ANO3: variants seen among roughly 807,000 people sequenced by gnomAD.
ANO3 encodes the protein anoctamin-3.
ANO3 carries 99 observed loss-of-function variants against 144.8 expected under a neutral mutation model. That is an observed-to-expected ratio of 0.68 (90% CI 0.58 to 0.81). The LOEUF is 0.81. Among genes scored for constraint, ANO3 ranks in the 30% least tolerant of loss-of-function variants. The probability of loss-of-function intolerance (pLI) is 0.00; values close to 1 mark genes in which losing one functional copy is unlikely to be tolerated. For missense variants in ANO3, 905 were observed against 1,202.2 expected (o/e 0.75, Z 3.66); for synonymous variants, 414 against 392.6 (o/e 1.05, Z -0.64).
At chr11:26,272,475 G>A (rs369214410) in intron 1 of ANO3, among the ~76,000 whole-genome samples, 40 of 152,106 alleles carry the variant, frequency 2.6e-4, no homozygotes, top group African/African-American at 9.4e-4. Flanking sequence ...CTGCAGATAC[G>A]GTATAAGAAA....
chr11:26,219,251 A>G (rs1351738986), intron 1 of ANO3, among the ~76,000 whole-genome samples: 4 of 152,206 alleles, frequency 2.6e-5, no homozygotes, highest in African/African-American at 4.8e-5. Flanking sequence ...ATTCTTTTCC[A>G]AGAGATGTTT....
chr11:26,332,467 T>C (rs1436057260), intron 1 of ANO3, 146 bp downstream of exon 1: 3 of 716,072 alleles, frequency 4.2e-6, no homozygotes, highest in Non-Finnish European at 4.6e-6. Flanking sequence ...AAAATTAAAT[T>C]CCTCTTCACT....
chr11:26,243,595 T>C (rs549515099), intron 1 of ANO3, among the ~76,000 whole-genome samples: 1 of 152,322 alleles, frequency 6.6e-6, no homozygotes, highest in South Asian at 2.1e-4. Context: ...AAGTTCCCCA[T>C]TATGATTTTA....
At chr11:26,596,934 G>A (rs1201744874) in intron 14 of ANO3, among the ~76,000 whole-genome samples, 1 of 152,204 alleles carries the variant, frequency 6.6e-6, no homozygotes, top group Non-Finnish European at 1.5e-5. Flanking sequence ...GTTCCAGGCA[G>A]AACAAAGCTC....
chr11:26,546,724 T>G (rs1373323410), intron 11 of ANO3, among the ~76,000 whole-genome samples: 1 of 151,984 alleles, frequency 6.6e-6, no homozygotes, highest in Non-Finnish European at 1.5e-5. Context: ...TAGAGGGGAA[T>G]TAAACGCATT....
chr11:26,328,491 A>G (rs1196051391), upstream of ANO3, among the ~76,000 whole-genome samples: 3 of 152,228 alleles, frequency 2.0e-5, no homozygotes, highest in Admixed American at 6.5e-5. Context: ...GGACTCTCTC[A>G]GTCCCTTTGA....
At chr11:26,513,504 G>A (rs1214872522) in intron 5 of ANO3, among the ~76,000 whole-genome samples, 5 of 152,148 alleles carry the variant, frequency 3.3e-5, no homozygotes, top group Admixed American at 6.6e-5. Flanking sequence ...GGAGACCCAA[G>A]TTTTCCTGCT....
chr11:26,615,076 G>A (rs1434847426), intron 17 of ANO3, among the ~76,000 whole-genome samples: 4 of 150,330 alleles, frequency 2.7e-5, no homozygotes, highest in African/African-American at 4.9e-5. Flanking sequence ...CTGTATATAG[G>A]TCTTGATTTA....
chr11:26,522,224 AC>A (rs1862111917), intron 6 of ANO3, among the ~76,000 whole-genome samples: 2 of 151,732 alleles, frequency 1.3e-5, no homozygotes, highest in Non-Finnish European at 2.9e-5. Context: ...CAAAAAAAAA[AC>A]ATTAAGAGCA....
chr11:26,420,691 G>T (rs1857726290), intron 1 of ANO3, among the ~76,000 whole-genome samples: 1 of 151,848 alleles, frequency 6.6e-6, no homozygotes, highest in Admixed American at 6.6e-5. Flanking sequence ...GTTCCTTCAG[G>T]CCTCAGAATG....
chr11:26,545,616 A>G (rs2134213571), intron 11 of ANO3, among the ~76,000 whole-genome samples: 1 of 152,080 alleles, frequency 6.6e-6, no homozygotes, highest in South Asian at 2.1e-4. Flanking sequence ...AAACAATTCT[A>G]AAAGCATAGA....
At chr11:26,451,278 A>G (rs919767460) in intron 3 of ANO3, among the ~76,000 whole-genome samples, 7 of 152,200 alleles carry the variant, frequency 4.6e-5, no homozygotes, top group Non-Finnish European at 7.3e-5. Flanking sequence ...GAAGCAGGGC[A>G]AGGCATTGCC....
In ANO3 at chr11:26,572,864, A is replaced by G. The variant is rs113808064; in HGVS notation, c.1447+13085A>G. On this transcript the variant is annotated intron_variant, in intron 14 of 26. Transcript: ENST00000256737. ...CCATGTGATCCTCACTTATCCTAGG[A>G]GCCTTCTCGATTAAGTAGTTTCCAC... 9.0e-3 allele frequency among the ~76,000 whole-genome samples: 1,376 copies of G among 152,154 alleles called. 10 individuals are homozygous for G. Among genetic ancestry groups the G allele is most frequent in the African/African-American group, 0.031 (1,302 of 41,510 alleles).
At chr11:26,497,058 C>T (rs1377982499) in intron 4 of ANO3, among the ~76,000 whole-genome samples, 4 of 149,558 alleles carry the variant, frequency 2.7e-5, no homozygotes, top group African/African-American at 9.8e-5. Context: ...TACATTTTCT[C>T]TCTCTATATA....
intron 1 of ANO3, among the ~76,000 whole-genome samples, chr11:26,273,731 A>G (rs1853498978): frequency 6.6e-6 from 1 of 152,028 alleles, no homozygotes; most frequent in African/African-American, 2.4e-5. Flanking sequence ...GAAATTCAAA[A>G]ACAAATAGAC....
chr11:26,499,721 CTA>C (rs1861113469), intron 4 of ANO3, among the ~76,000 whole-genome samples: 1 of 151,792 alleles, frequency 6.6e-6, no homozygotes, highest in South Asian at 2.1e-4. Flanking sequence ...CTGTAAATTC[CTA>C]TGTTAGCTTC....
At chr11:26,650,257 A>C (rs1853487047) in intron 24 of ANO3, among the ~76,000 whole-genome samples, 1 of 152,104 alleles carries the variant, frequency 6.6e-6, no homozygotes, top group South Asian at 2.1e-4. Context: ...GTGGGAGGGG[A>C]GGATATTGGC....
intron 1 of ANO3, among the ~76,000 whole-genome samples, chr11:26,376,306 A>G (rs1413875885): frequency 1.3e-5 from 2 of 152,134 alleles, no homozygotes; most frequent in Non-Finnish European, 1.5e-5. Context: ...CCAATTTTGA[A>G]ACCCATTAAT....
intron 1 of ANO3, among the ~76,000 whole-genome samples, chr11:26,399,704 T>G (rs1857099972): frequency 6.6e-6 from 1 of 152,024 alleles, no homozygotes; most frequent in South Asian, 2.1e-4. Context: ...TGTTGATGGT[T>G]GAAGGTATAA....
Sources: allele counts gnomAD v4.1 joint callset (sites outside exome capture counted in the v4.1 genomes callset), GRCh38; gene constraint gnomAD v4.1.1; transcripts MANE v1.5; gene names NCBI Gene and HGNC (gene_info 2026-07-23, HGNC 2026-07-21).